RCAN2: variants seen among roughly 807,000 people sequenced by gnomAD.
RCAN2 encodes calcipressin-2.
Under a neutral mutation model 23.6 loss-of-function variants are expected in RCAN2, and 9 were observed. The ratio of observed to expected loss-of-function variants is 0.38; its 90% confidence interval spans 0.23 to 0.67. The LOEUF is 0.67. RCAN2 is among the 30% of genes least tolerant of loss of function. The pLI is 0.51. For missense variants in RCAN2, 273 were observed against 302.3 expected (o/e 0.90, Z 0.72); for synonymous variants, 109 against 115.7 (o/e 0.94, Z 0.37).
intron 2 of RCAN2, among the ~76,000 whole-genome samples, chr6:46,283,177 G>C (rs1561841894): frequency 6.6e-6 from 1 of 152,146 alleles, no homozygotes; most frequent in Admixed American, 6.6e-5. Context: ...ATCCAGGCGT[G>C]GTGGCTCACA....
At chr6:46,269,005 C>T (rs189568603) in intron 2 of RCAN2, among the ~76,000 whole-genome samples, 1 of 152,294 alleles carries the variant, frequency 6.6e-6, no homozygotes, top group African/African-American at 2.4e-5. Flanking sequence ...ACCTGCAAAA[C>T]TTAAACTACT....
chr6:46,286,598 G>A (rs1762381915), intron 2 of RCAN2, among the ~76,000 whole-genome samples: 1 of 152,160 alleles, frequency 6.6e-6, no homozygotes, highest in Non-Finnish European at 1.5e-5. Flanking sequence ...TGGGAGGATT[G>A]GCATGATTCT....
intron 2 of RCAN2, among the ~76,000 whole-genome samples, chr6:46,442,711 G>A (rs886899391): frequency 4.6e-5 from 7 of 152,032 alleles, no homozygotes; most frequent in African/African-American, 1.7e-4. Flanking sequence ...CCACTTTTTG[G>A]CACAGAATCC....
intron 2 of RCAN2, among the ~76,000 whole-genome samples, chr6:46,452,556 T>C (rs1056902782): frequency 6.6e-6 from 1 of 152,126 alleles, no homozygotes; most frequent in Non-Finnish European, 1.5e-5. Context: ...ATAGGTAAAT[T>C]AAATTCTTGG....
intron 2 of RCAN2, among the ~76,000 whole-genome samples, chr6:46,360,596 A>G (rs545391311): frequency 6.6e-6 from 1 of 152,028 alleles, no homozygotes; most frequent in Non-Finnish European, 1.5e-5. Context: ...GAGACAAAAA[A>G]TCTTACTGAG....
At chr6:46,291,841 C>T (rs1274442746) in intron 2 of RCAN2, among the ~76,000 whole-genome samples, 4 of 152,202 alleles carry the variant, frequency 2.6e-5, no homozygotes, top group Admixed American at 2.0e-4. Context: ...TAAAGTGGCA[C>T]ATGTACTTTC....
intron 2 of RCAN2, among the ~76,000 whole-genome samples, chr6:46,418,977 A>T (rs1225718279): frequency 1.3e-5 from 2 of 151,806 alleles, no homozygotes; most frequent in East Asian, 3.9e-4. Context: ...AGTCCTAGCT[A>T]CTTGGGAAGC....
intron 2 of RCAN2, among the ~76,000 whole-genome samples, chr6:46,257,384 C>T (rs981449153): frequency 6.6e-6 from 1 of 152,042 alleles, no homozygotes; most frequent in African/African-American, 2.4e-5. Flanking sequence ...GTGTATTAGT[C>T]CATTCTCACA....
intron 2 of RCAN2, among the ~76,000 whole-genome samples, chr6:46,310,846 T>C (rs1182301872): frequency 6.6e-6 from 1 of 152,196 alleles, no homozygotes; most frequent in Admixed American, 6.5e-5. Flanking sequence ...AGAAATTAAG[T>C]GAATTTCAGA....
chr6:46,393,887 C>G (rs983276893), intron 2 of RCAN2, among the ~76,000 whole-genome samples: 16 of 152,192 alleles, frequency 1.1e-4, no homozygotes, highest in African/African-American at 3.9e-4. Flanking sequence ...ATGACCAACA[C>G]TCTTAGCAAG....
intron 2 of RCAN2, chr6:46,438,338 G>A (rs1354285130): frequency 1.3e-5 from 2 of 152,198 alleles, no homozygotes; most frequent in African/African-American, 4.8e-5. Flanking sequence ...ATGGCCATAG[G>A]ACTCAATAGG....
intron 2 of RCAN2, among the ~76,000 whole-genome samples, chr6:46,423,955 G>C (rs1192724535): frequency 6.6e-6 from 1 of 152,102 alleles, no homozygotes; most frequent in African/African-American, 2.4e-5. Context: ...GCACAAAAGG[G>C]TTAGGTAACT....
In RCAN2 at chr6:46,334,753, G is replaced by C. The variant is rs370860228; in HGVS notation, c.226-85857C>G. Among the ~76,000 whole-genome samples the C allele has an allele frequency of 4.6e-5, 7 of 152,132 alleles. No individual in the cohort carries two copies. In the East Asian group the frequency reaches 1.2e-3, roughly 25 times the overall value. On this transcript the variant is annotated intron_variant, in intron 2 of 4. Transcript: ENST00000371374. ...CAGTTAGCACCTTACTGCTGCTGAG[G>C]CCCCACAGATACCTTACAGCTAATC...
intron 2 of RCAN2, among the ~76,000 whole-genome samples, chr6:46,384,922 A>T (rs1318963821): frequency 6.6e-6 from 1 of 152,220 alleles, no homozygotes; most frequent in Non-Finnish European, 1.5e-5. Flanking sequence ...ATTATAAATA[A>T]ATGAATTTAA....
intron 2 of RCAN2, among the ~76,000 whole-genome samples, chr6:46,437,801 CA>C (rs1767416839): frequency 6.6e-6 from 1 of 151,846 alleles, no homozygotes; most frequent in Non-Finnish European, 1.5e-5. Context: ...TTAGAACAAC[CA>C]AAAAAAGCAT....
intron 2 of RCAN2, among the ~76,000 whole-genome samples, chr6:46,279,993 T>C (rs1332426526): frequency 6.6e-6 from 1 of 152,212 alleles, no homozygotes; most frequent in Admixed American, 6.5e-5. Flanking sequence ...TTATTAATGA[T>C]GAAACTATGG....
chr6:46,233,197 A>G (rs1443030175), intron 4 of RCAN2, among the ~76,000 whole-genome samples: 1 of 152,154 alleles, frequency 6.6e-6, no homozygotes, highest in Non-Finnish European at 1.5e-5. Context: ...AAGTCACTCA[A>G]AGTTCCACGG....
chr6:46,369,417 T>C (rs1183917912), intron 2 of RCAN2, among the ~76,000 whole-genome samples: 3 of 152,234 alleles, frequency 2.0e-5, no homozygotes, highest in Non-Finnish European at 4.4e-5. Context: ...TACATAATTG[T>C]ATGTGCTAGA....
At chr6:46,230,248 C>A (rs1056220596) in intron 4 of RCAN2, among the ~76,000 whole-genome samples, 3 of 152,160 alleles carry the variant, frequency 2.0e-5, no homozygotes, top group African/African-American at 4.8e-5. Context: ...AGGAGGCAGT[C>A]TCCATACTCA....
Sources: allele counts gnomAD v4.1 joint callset (sites outside exome capture counted in the v4.1 genomes callset), GRCh38; gene constraint gnomAD v4.1.1; transcripts MANE v1.5; gene names NCBI Gene and HGNC (gene_info 2026-07-23, HGNC 2026-07-21).